DCC: variants seen among roughly 807,000 people sequenced by gnomAD.
DCC encodes the protein DCC netrin 1 receptor, also known as netrin receptor DCC.
A neutral mutation model predicts 172.5 loss-of-function variants in DCC; 58 were observed. The ratio of observed to expected loss-of-function variants is 0.34; its 90% CI spans 0.27 to 0.42. The LOEUF is 0.42. DCC is among the 10% of genes least tolerant of loss of function. The pLI, the probability that DCC is intolerant of heterozygous loss-of-function variation, is 1.00. For missense variants in DCC, 1,740 were observed against 1,791.0 expected, an observed-to-expected ratio of 0.97 and a Z score of 0.51; for synonymous variants, 709 against 644.5, an observed-to-expected ratio of 1.10 and a Z score of -1.52.
At chr18:53,363,398 C>A (rs1460797909) in intron 15 of DCC, among the ~76,000 whole-genome samples, 1 of 151,952 alleles carries the variant, frequency 6.6e-6, no homozygotes, top group Non-Finnish European at 1.5e-5. Flanking sequence ...AACTAGTTTC[C>A]AAAAATGAAA....
chr18:52,706,443 G>C (rs1415193097), intron 1 of DCC, among the ~76,000 whole-genome samples: 1 of 152,166 alleles, frequency 6.6e-6, no homozygotes, highest in Non-Finnish European at 1.5e-5. Context: ...AGTGTAACTA[G>C]GTTTCTCTTA....
chr18:53,216,176 G>A (rs1417299247), intron 12 of DCC, among the ~76,000 whole-genome samples: 3 of 152,162 alleles, frequency 2.0e-5, no homozygotes, highest in African/African-American at 7.2e-5. Context: ...TAGTATTGCT[G>A]AAGTAGCCTA....
At chr18:52,412,524 T>C (rs1163087425) in intron 1 of DCC, among the ~76,000 whole-genome samples, 1 of 152,108 alleles carries the variant, frequency 6.6e-6, no homozygotes, top group African/African-American at 2.4e-5. Flanking sequence ...ACAACTAAAA[T>C]TTGATGAAAC....
intron 2 of DCC, among the ~76,000 whole-genome samples, chr18:52,891,060 A>G (rs1312142353): frequency 6.6e-6 from 1 of 152,132 alleles, no homozygotes; most frequent in African/African-American, 2.4e-5. Flanking sequence ...AAGGCTCAAT[A>G]AATGACAAGA....
intron 1 of DCC, among the ~76,000 whole-genome samples, chr18:52,596,022 G>T (rs1279405296): frequency 2.0e-5 from 3 of 152,128 alleles, no homozygotes; most frequent in Non-Finnish European, 4.4e-5. Flanking sequence ...CTTTAAAAAG[G>T]TTACAACCTG....
intron 1 of DCC, among the ~76,000 whole-genome samples, chr18:52,634,124 T>C (rs546112968): frequency 6.6e-6 from 1 of 152,370 alleles, no homozygotes; most frequent in Admixed American, 6.5e-5. Context: ...ATTTCAGTGA[T>C]GTCCAGAAGC....
intron 1 of DCC, among the ~76,000 whole-genome samples, chr18:52,692,198 C>T (rs937007291): frequency 4.6e-5 from 7 of 152,220 alleles, no homozygotes; most frequent in Non-Finnish European, 7.4e-5. Context: ...TAATGATATT[C>T]TTTGACAGGG....
chr18:53,523,914 G>A (rs1468793722), intron 27 of DCC, among the ~76,000 whole-genome samples: 1 of 151,698 alleles, frequency 6.6e-6, no homozygotes, highest in Non-Finnish European at 1.5e-5. Context: ...AAAAAAGAAG[G>A]GGGAGGCAGG....
chr18:52,991,579 A>G (rs2041392777), intron 5 of DCC, among the ~76,000 whole-genome samples: 1 of 152,098 alleles, frequency 6.6e-6, no homozygotes, highest in African/African-American at 2.4e-5. Context: ...TTCTCTCTCT[A>G]CATGATTTCA....
chr18:53,465,921 C>G (rs1247567252), intron 24 of DCC, among the ~76,000 whole-genome samples: 3 of 152,020 alleles, frequency 2.0e-5, no homozygotes, highest in African/African-American at 7.2e-5. Flanking sequence ...TATGCCACCA[C>G]TCCCGGCTAA....
chr18:52,700,187 C>T (rs2036086610), intron 1 of DCC, among the ~76,000 whole-genome samples: 1 of 111,838 alleles, frequency 8.9e-6, no homozygotes, highest in Admixed American at 8.0e-5. Flanking sequence ...CATGCACACG[C>T]ACACACACGC....
intron 22 of DCC, among the ~76,000 whole-genome samples, chr18:53,439,848 T>C (rs1912160200): frequency 6.9e-6 from 1 of 144,568 alleles, no homozygotes; most frequent in South Asian, 2.2e-4. Context: ...CACTGCAAGC[T>C]CCGCCTCCCG....
chr18:52,648,810 A>C (rs1333386639), intron 1 of DCC, among the ~76,000 whole-genome samples: 1 of 152,194 alleles, frequency 6.6e-6, no homozygotes, highest in Non-Finnish European at 1.5e-5. Context: ...TAACTTCAAG[A>C]CCACAATAAA....
intron 13 of DCC, among the ~76,000 whole-genome samples, chr18:53,321,791 G>C (rs2057414345): frequency 1.3e-5 from 2 of 152,032 alleles, no homozygotes; most frequent in Admixed American, 6.6e-5. Flanking sequence ...TTTATATTCT[G>C]CATCTGCCCT....
At chr18:52,479,492 CA>C (rs1247611638) in intron 1 of DCC, among the ~76,000 whole-genome samples, 1 of 151,450 alleles carries the variant, frequency 6.6e-6, no homozygotes, top group Non-Finnish European at 1.5e-5. Context: ...AGGACATCTA[CA>C]AAATCTGTGT....
At chr18:53,352,249 G>T (rs915792078) in intron 15 of DCC, among the ~76,000 whole-genome samples, 3 of 152,080 alleles carry the variant, frequency 2.0e-5, no homozygotes, top group Non-Finnish European at 4.4e-5. Context: ...AAGTGCCAGA[G>T]TTTAATCATA....
At chr18:52,612,082 A>G (rs1598956723) in intron 1 of DCC, among the ~76,000 whole-genome samples, 2 of 152,250 alleles carry the variant, frequency 1.3e-5, no homozygotes, top group East Asian at 3.9e-4. Flanking sequence ...TCCTGTTGAT[A>G]TGCTTACCCA....
chr18:53,050,986 T>G (rs2042326205), intron 5 of DCC, among the ~76,000 whole-genome samples: 1 of 152,152 alleles, frequency 6.6e-6, no homozygotes, highest in South Asian at 2.1e-4. Flanking sequence ...TTTCAGCACT[T>G]TAGGAGGCTG....
At position 53,066,162 on chromosome 18, in the gene DCC, G is replaced by C; in HGVS notation, c.1257G>C (p.Lys419Asn). 1.9e-6 allele frequency: 3 copies of C among 1,612,986 alleles called. No homozygotes were observed. Among genetic ancestry groups the C allele is most frequent in the African/African-American group, 1.3e-5 (1 of 74,944 alleles). ...AQTSAQLIVP[K>N]PAIPSSSVLP... ...CCAGTGCACAGCTCATTGTCCCTAAGCCTGGTAAGACAATGGGAACCTTGC... is the reference window on the plus strand; with the variant it reads ...CCAGTGCACAGCTCATTGTCCCTAACCCTGGTAAGACAATGGGAACCTTGC... Residue 419 changes from lysine (K) to asparagine (N), a missense_variant, in exon 7 of 29, where the codon AAG (lysine) becomes AAC (asparagine). This residue lies in a region of DCC where 1,732 missense variants were observed against 1,767.4 expected (regional missense o/e 0.98). Transcript: ENST00000442544.
Sources: gnomAD v4.1 joint callset for allele counts (sites outside exome capture counted in the v4.1 genomes callset) on GRCh38, gnomAD v4.1.1 for gene constraint, gnomAD v4.1.1 regional missense constraint, MANE v1.5 for transcripts, NCBI Gene and HGNC (gene_info 2026-07-23, HGNC 2026-07-21) for gene names.